The following FARS2 variants were observed in gnomAD, a reference collection of about 807,000 sequenced individuals.
FARS2 encodes phenylalanine--tRNA ligase, mitochondrial.
In FARS2, 40 loss-of-function variants were observed where a neutral mutation model predicts 46.4. The observed-to-expected ratio is 0.86, with a 90% CI of 0.67 to 1.12. The LOEUF (loss-of-function observed/expected upper bound fraction) is 1.12, where lower values mean the gene tolerates loss of function less well. Among genes scored for constraint, FARS2 ranks in the 50% most tolerant of loss-of-function variants. The pLI, the probability that FARS2 is intolerant of heterozygous loss-of-function variation, is 0.00. For synonymous variants in FARS2, 234 were observed against 214.9 expected, an observed-to-expected ratio of 1.09 and a Z score of -0.78; for missense variants, 513 against 567.9, an observed-to-expected ratio of 0.90 and a Z score of 0.98.
At chr6:5,380,972 T>TTATTTATC (rs1164411255) in intron 2 of FARS2, among the ~76,000 whole-genome samples, 5 of 37,716 alleles carry the variant, frequency 1.3e-4, no homozygotes, top group African/African-American at 7.1e-4. Context: ...ATTATAGCAA[T>TTATTTATC]TATTTATTTA....
At chr6:5,325,970 G>A (rs1486695386) in intron 1 of FARS2, among the ~76,000 whole-genome samples, 1 of 152,192 alleles carries the variant, frequency 6.6e-6, no homozygotes, top group African/African-American at 2.4e-5. Context: ...AATATACCAT[G>A]TCAGGAAGGA....
chr6:5,324,119 T>C (rs1223343216), intron 1 of FARS2, among the ~76,000 whole-genome samples: 1 of 152,212 alleles, frequency 6.6e-6, no homozygotes, highest in Non-Finnish European at 1.5e-5. Flanking sequence ...CTGACTGAAA[T>C]CAGCCAGAAG....
chr6:5,438,935 T>C (rs1353985004), intron 4 of FARS2, among the ~76,000 whole-genome samples: 1 of 152,216 alleles, frequency 6.6e-6, no homozygotes, highest in Non-Finnish European at 1.5e-5. Context: ...ATTGGTGATA[T>C]TTTCCTGGTT....
At chr6:5,277,034 G>A (rs1346532474) in intron 1 of FARS2, among the ~76,000 whole-genome samples, 2 of 152,160 alleles carry the variant, frequency 1.3e-5, no homozygotes, top group African/African-American at 2.4e-5. Context: ...TCTCCCTGTG[G>A]TGTTTAAGCC....
intron 6 of FARS2, among the ~76,000 whole-genome samples, chr6:5,701,488 G>A (rs1200405480): frequency 6.6e-6 from 1 of 152,150 alleles, no homozygotes; most frequent in Non-Finnish European, 1.5e-5. Flanking sequence ...GGCTATTATT[G>A]GGACCAAGGA....
At chr6:5,270,050 G>A (rs1464392506) in intron 1 of FARS2, among the ~76,000 whole-genome samples, 1 of 152,174 alleles carries the variant, frequency 6.6e-6, no homozygotes, top group Non-Finnish European at 1.5e-5. Flanking sequence ...AGTAATATTG[G>A]CAGAGAGTAA....
intron 3 of FARS2, among the ~76,000 whole-genome samples, chr6:5,415,305 CTTTTCTTTTTTT>C (rs1762167552): frequency 2.2e-5 from 2 of 91,556 alleles, no homozygotes; most frequent in South Asian, 8.8e-4. Flanking sequence ...ATTTTCTTTT[CTTTTCTTTTTTT>C]TTTTTTTTTT....
chr6:5,393,958 G>A (rs539140459), intron 2 of FARS2, among the ~76,000 whole-genome samples: 1 of 152,202 alleles, frequency 6.6e-6, no homozygotes, highest in Non-Finnish European at 1.5e-5. Flanking sequence ...TTATTGCCAG[G>A]AATGGTCATG....
intron 1 of FARS2, among the ~76,000 whole-genome samples, chr6:5,361,878 T>C (rs533928646): frequency 6.6e-6 from 1 of 152,332 alleles, no homozygotes; most frequent in African/African-American, 2.4e-5. Flanking sequence ...TACTACTTAA[T>C]GTTTTCTTTA....
chr6:5,255,346 C>G, the FARS2 span, among the ~76,000 whole-genome samples: 45 of 152,224 alleles, frequency 3.0e-4, no homozygotes, highest in Admixed American at 1.1e-3. Context: ...ATATAAGCAC[C>G]CAGTTGTCTT....
At chr6:5,524,806 T>G (rs1225887496) in intron 4 of FARS2, among the ~76,000 whole-genome samples, 1 of 152,204 alleles carries the variant, frequency 6.6e-6, no homozygotes, top group East Asian at 1.9e-4. Context: ...TGCTCTTAAC[T>G]CGTCTACTCT....
rs150980407 is a variant in FARS2, at chr6:5,692,155, C to T, written c.1217+78835C>T. On this transcript the variant is annotated intron_variant, in intron 6 of 6. Coordinates refer to ENST00000274680, the MANE Select transcript of FARS2 (RefSeq NM_006567.5). Reference sequence around the variant, plus strand: ...GCTTCCCGGGTGAGGCGATACCTTCCGCTGCTTCGGCTCATGCTCGGTGCG... The same window carrying T: ...GCTTCCCGGGTGAGGCGATACCTTCTGCTGCTTCGGCTCATGCTCGGTGCG... Among the ~76,000 whole-genome samples, 18 of 152,292 alleles carry T rather than the reference C, an allele frequency of 1.2e-4. No homozygotes were observed. In the East Asian group the frequency reaches 3.1e-3, roughly 26 times the overall value.
At chr6:5,668,020 T>C (rs1056237819) in intron 6 of FARS2, 9 of 152,214 alleles carry the variant, frequency 5.9e-5, no homozygotes, top group Admixed American at 1.3e-4. Context: ...CGTAGCCCAC[T>C]TTCCTTTAAT....
chr6:5,359,970 G>T (rs1158245335), intron 1 of FARS2, among the ~76,000 whole-genome samples: 1 of 152,170 alleles, frequency 6.6e-6, no homozygotes, highest in Non-Finnish European at 1.5e-5. Flanking sequence ...CTTCTTCAAG[G>T]CTGTTAAAGT....
chr6:5,700,235 A>G (rs1258402402), intron 6 of FARS2, among the ~76,000 whole-genome samples: 1 of 152,206 alleles, frequency 6.6e-6, no homozygotes, highest in African/African-American at 2.4e-5. Context: ...GTAAGGCTTG[A>G]TTCATCCAGA....
chr6:5,702,208 A>G (rs1382136402), intron 6 of FARS2, among the ~76,000 whole-genome samples: 4 of 152,210 alleles, frequency 2.6e-5, no homozygotes, highest in African/African-American at 9.7e-5. Flanking sequence ...AGAGTAAGCA[A>G]ATGAGCAACA....
At position 5,482,206 on chromosome 6, in the gene FARS2, C is replaced by T. The variant is rs1204081703; in HGVS notation, c.904+51034C>T. On this transcript the variant is annotated intron_variant, in intron 4 of 6. Transcript: ENST00000274680. ...AAAAAGTCTAGGAAGCACAATCCCT[C>T]CTCACATTTTTATATTTCTGGTATC... 2.0e-5 allele frequency among the ~76,000 whole-genome samples: 3 copies of T among 152,092 alleles called. No homozygotes were observed. The South Asian group carries it at 6.2e-4, about 32-fold the overall frequency.
intron 3 of FARS2, among the ~76,000 whole-genome samples, chr6:5,421,674 A>C (rs914741949): frequency 4.6e-5 from 7 of 152,204 alleles, no homozygotes; most frequent in Admixed American, 3.9e-4. Flanking sequence ...AGTTCCACAA[A>C]TCTCTAAAAC....
chr6:5,440,520 G>T (rs933774759), intron 4 of FARS2, among the ~76,000 whole-genome samples: 4 of 152,118 alleles, frequency 2.6e-5, no homozygotes, highest in African/African-American at 4.8e-5. Context: ...GGAATTACTG[G>T]TTTTTTCCTC....
Sources: allele counts gnomAD v4.1 joint callset (sites outside exome capture counted in the v4.1 genomes callset), GRCh38; gene constraint gnomAD v4.1.1; transcripts MANE v1.5; gene names NCBI Gene and HGNC (gene_info 2026-07-23, HGNC 2026-07-21).